Variants in BCL2L11 observed in about 807,000 individuals in gnomAD.
BCL2L11 encodes bcl-2-like protein 11.
A neutral mutation model predicts 20.6 loss-of-function variants in BCL2L11; 15 were observed. That is an observed-to-expected ratio of 0.73 (90% CI 0.49 to 1.12). The LOEUF (loss-of-function observed/expected upper bound fraction) is 1.12. Ranked by LOEUF, BCL2L11 falls within the 50% of genes most tolerant of loss-of-function variation. The probability of loss-of-function intolerance (pLI) is 0.00; values close to 1 mark genes in which losing one functional copy is unlikely to be tolerated. For synonymous variants in BCL2L11, 108 were observed against 92.8 expected, an observed-to-expected ratio of 1.16 and a Z score of -0.94; for missense variants, 292 against 260.9, an observed-to-expected ratio of 1.12 and a Z score of -0.82.
rs2078517760 is a variant in BCL2L11 at position 111,161,313 on chromosome 2, T to C, written c.499-2820T>C. 12 of 1,362,922 alleles carry C rather than the reference T, an allele frequency of 8.8e-6. No individual in the cohort carries two copies. In the South Asian group the frequency reaches 1.5e-4, roughly 17 times the overall value. The allele number at this position is 1,362,922 out of a possible 1,614,324, so 84.4% of individuals were successfully genotyped here. ...GGAGCATCTTCCCTGATTGTATTTA[T>C]TTTAATAGTTTTTTAAAAAACGCTT... is the stretch of plus-strand genomic sequence containing the variant. On this transcript the variant is annotated intron_variant, in intron 3 of 3. Coordinates refer to ENST00000393256, the MANE Select transcript of BCL2L11 (RefSeq NM_138621.5).
chr2:111,145,968 G>C (rs895498599), intron 2 of BCL2L11: 108 of 963,064 alleles, frequency 1.1e-4, no homozygotes, highest in Non-Finnish European at 1.3e-4. Context: ...AGAAAACATG[G>C]ATCTGCCTAG....
chr2:111,136,406 T>A (rs2074897061), intron 2 of BCL2L11, among the ~76,000 whole-genome samples: 1 of 152,164 alleles, frequency 6.6e-6, no homozygotes, highest in Admixed American at 6.5e-5. Flanking sequence ...TGAGGTTCTG[T>A]CTCGGGTTTT....
At chr2:111,158,276 A>T (rs1239219476) in intron 3 of BCL2L11, among the ~76,000 whole-genome samples, 2 of 152,140 alleles carry the variant, frequency 1.3e-5, no homozygotes, top group Non-Finnish European at 2.9e-5. Flanking sequence ...CGAGTCGTGG[A>T]GTGGTAGTTC....
intron 3 of BCL2L11, among the ~76,000 whole-genome samples, chr2:111,152,507 T>G (rs2077371833): frequency 6.6e-6 from 1 of 152,258 alleles, no homozygotes; most frequent in Non-Finnish European, 1.5e-5. Context: ...CCTGTGGGCC[T>G]GCCCAGATGG....
rs559354901 is a variant in BCL2L11 at position 111,134,711 on chromosome 2, A to G, written c.394+10572A>G. ...TTCTTTAATGATAGGTCTGTTAGTA[A>G]CAACTCCTCTGAGTTCTCCTTCTGG... On this transcript the variant is annotated intron_variant, in intron 2 of 3. Coordinates refer to ENST00000393256, the MANE Select transcript of BCL2L11 (RefSeq NM_138621.5). Among the ~76,000 whole-genome samples the G allele has an allele frequency of 2.6e-5, 4 of 152,162 alleles. No homozygotes were observed. The South Asian group carries it at 8.3e-4, about 32-fold the overall frequency.
intron 1 of BCL2L11, chr2:111,122,588 G>A (rs968318486): frequency 9.2e-6 from 9 of 982,690 alleles, no homozygotes; most frequent in Non-Finnish European, 1.1e-5. Context: ...CCAGCGGCGC[G>A]GGGAGGTCGG....
intron 2 of BCL2L11, chr2:111,131,495 C>T (rs1274790996): frequency 6.6e-6 from 1 of 152,058 alleles, no homozygotes; most frequent in South Asian, 2.1e-4. Context: ...TTTTTTATCT[C>T]TGTCAGTCTT....
intron 2 of BCL2L11, among the ~76,000 whole-genome samples, chr2:111,140,213 T>C (rs962007774): frequency 6.6e-6 from 1 of 152,112 alleles, no homozygotes; most frequent in Non-Finnish European, 1.5e-5. Flanking sequence ...CTTGGTTTAG[T>C]TTGGACTTCC....
chr2:111,123,891 G>A lies in BCL2L11; in HGVS notation c.146G>A (p.Gly49Glu), dbSNP rs769237808. Residue 49 changes from glycine to glutamate, a missense_variant, in exon 2 of 4, where the codon GGA becomes GAA. By Grantham distance (98) the Gly-to-Glu change is moderately conservative (BLOSUM62 -2). Transcript: ENST00000393256. ...CAAGGTAATCCTGAAGGCAATCACG[G>A]AGGTGAAGGGGACAGCTGCCCCCAC... ...EPQGNPEGNHGGEGDSCPHGS... is the reference protein window; with the variant it reads ...EPQGNPEGNHEGEGDSCPHGS... 1 of 1,610,678 alleles carries A rather than the reference G, an allele frequency of 6.2e-7. No homozygotes were observed. Among genetic ancestry groups the A allele is most frequent in the South Asian group, 1.1e-5 (1 of 90,734 alleles).
intron 3 of BCL2L11, chr2:111,152,024 T>C: frequency 1.3e-6 from 1 of 778,734 alleles, no homozygotes; most frequent in Non-Finnish European, 2.1e-6. Flanking sequence ...GCTGTCTCTA[T>C]TGACTAGGAA....
chr2:111,123,806 C>A lies in BCL2L11; in HGVS notation c.61C>A (p.Pro21Thr). ...TGACCGAGAAGGTAGACAATTGCAGCCTGCGGAGAGGCCTCCCCAGCTCAG... is the reference window on the plus strand; with the variant it reads ...TGACCGAGAAGGTAGACAATTGCAGACTGCGGAGAGGCCTCCCCAGCTCAG... ...ECDREGRQLQ[P>T]AERPPQLRPG... Residue 21 changes from proline to threonine, a missense_variant, in exon 2 of 4, where the codon CCT (proline) becomes ACT (threonine). Coordinates refer to ENST00000393256, the MANE Select transcript of BCL2L11 (RefSeq NM_138621.5). 1 of 1,486,088 alleles carries A rather than the reference C, an allele frequency of 6.7e-7. No individual in the cohort carries two copies. 92.1% of individuals were successfully genotyped at this position (1,486,088 alleles called of 1,614,324 possible).
chr2:111,144,440 AGCATTTACC>A (rs1157135758), intron 2 of BCL2L11: 1 of 1,546,552 alleles, frequency 6.5e-7, no homozygotes, highest in African/African-American at 1.4e-5. Context: ...TGATTCTGAT[AGCATTTACC>A]GCAAACGCTG....
At chr2:111,163,861 C>CTTTTTTTTTTTTTTTTTTTTTCTT (rs2078865788) in intron 3 of BCL2L11, among the ~76,000 whole-genome samples, 1 of 104,720 alleles carries the variant, frequency 9.5e-6, no homozygotes, top group Non-Finnish European at 1.9e-5. Context: ...TTTTTGAGTG[C>CTTTTTTTTTTTTTTTTTTTTTCTT]TTTTTTTTTT....
At chr2:111,161,509 A>G in intron 3 of BCL2L11, 1 of 1,549,782 alleles carries the variant, frequency 6.5e-7, no homozygotes, top group South Asian at 1.2e-5. Context: ...AGCAGGTCTC[A>G]GGAAGACGGT....
At chr2:111,122,565 C>T in intron 1 of BCL2L11, 1 of 975,332 alleles carries the variant, frequency 1.0e-6, no homozygotes, top group Non-Finnish European at 1.2e-6. Context: ...ATTGGGAACG[C>T]GGGCACCCGG....
intron 3 of BCL2L11, among the ~76,000 whole-genome samples, chr2:111,163,861 C>CTT (rs10547953): frequency 7.5e-4 from 79 of 104,702 alleles, no homozygotes; most frequent in East Asian, 2.1e-3. Context: ...TTTTTGAGTG[C>CTT]TTTTTTTTTT....
chr2:111,121,270 C>G (rs2070836019), intron 1 of BCL2L11, 82 bp downstream of exon 1: 1 of 192,936 alleles, frequency 5.2e-6, no homozygotes, highest in Non-Finnish European at 1.1e-5. Context: ...CACCTACTGC[C>G]CGCTTCCCGT....
At chr2:111,144,780 A>C (rs2076283459) in intron 2 of BCL2L11, among the ~76,000 whole-genome samples, 1 of 152,302 alleles carries the variant, frequency 6.6e-6, no homozygotes, top group East Asian at 1.9e-4. Context: ...TTCAGAGTCC[A>C]CAAAGAAATG....
chr2:111,126,792 T>C lies in BCL2L11; in HGVS notation c.394+2653T>C, dbSNP rs551221206. Among the ~76,000 whole-genome samples the C allele has an allele frequency of 3.3e-5, 5 of 152,326 alleles. 1 individual carries two copies. Among genetic ancestry groups the C allele is most frequent in the African/African-American group, 1.2e-4 (5 of 41,592 alleles). On this transcript the variant is annotated intron_variant, in intron 2 of 3. Transcript: ENST00000393256. ...TACATTTTCCACAAAGAAGTCATTA[T>C]GATTGGTTTGAACTAGTGGAACACA...
Sources: gnomAD v4.1 joint callset for allele counts (sites outside exome capture counted in the v4.1 genomes callset) on GRCh38, gnomAD v4.1.1 for gene constraint, MANE v1.5 for transcripts, NCBI Gene and HGNC (gene_info 2026-07-23, HGNC 2026-07-21) for gene names.